The following CPT1A variants were observed in gnomAD, a reference collection of about 807,000 sequenced individuals.
CPT1A encodes carnitine palmitoyltransferase 1A.
CPT1A carries 64 observed loss-of-function variants against 100.8 expected under a neutral mutation model. The observed-to-expected ratio is 0.63, with a 90% CI of 0.52 to 0.78. The LOEUF is 0.78. CPT1A is among the 30% of genes least tolerant of loss of function. The probability of loss-of-function intolerance (pLI) is 0.00; values close to 1 mark genes in which losing one functional copy is unlikely to be tolerated. For synonymous variants in CPT1A, 363 were observed against 396.0 expected (o/e 0.92, Z 0.99); for missense variants, 802 against 1,034.1 (o/e 0.78, Z 3.08).
rs11228349 is a variant in CPT1A at position 68,781,000 on chromosome 11, G to A, written c.1353-255C>T. ...CCTGAAGTCAGGACCTGTTGTTATC[G>A]CAAGGCAACTGGGGAGAGGTGGGAG... On this transcript the variant is annotated intron_variant, in intron 11 of 18. Transcript: ENST00000265641. Among the ~76,000 whole-genome samples, 12,400 of 152,212 alleles carry A rather than the reference G, an allele frequency of 0.081. 625 individuals carry two copies. The highest frequency in any genetic ancestry group is 0.11 in the Non-Finnish European group (7,263 of 68,008).
intron 11 of CPT1A, 39 bp from the exon 12 acceptor site, chr11:68,780,784 A>C (rs1855288230): frequency 6.5e-7 from 1 of 1,533,034 alleles, no homozygotes; most frequent in Admixed American, 1.7e-5. Context: ...AAGTGTTTAA[A>C]GAGGCAACAA....
At position 68,773,197 on chromosome 11, in the gene CPT1A, A is replaced by T. The variant is rs1290717896; in HGVS notation, c.1740+68T>A. The T allele has an allele frequency of 5.0e-6, 8 of 1,606,506 alleles. No individual in the cohort carries two copies. The South Asian group carries it at 6.7e-5, about 13-fold the overall frequency. On this transcript the variant is annotated intron_variant, in intron 14 of 18. Transcript: ENST00000265641. ...TCGGGCCTTCCCTCCCCACTGGGTGAACAGTCTTGGGCAGGTGTAGGAACC... is the reference window on the plus strand; with the variant it reads ...TCGGGCCTTCCCTCCCCACTGGGTGTACAGTCTTGGGCAGGTGTAGGAACC...
intron 1 of CPT1A, among the ~76,000 whole-genome samples, chr11:68,827,425 G>A (rs375989452): frequency 2.0e-5 from 3 of 152,040 alleles, no homozygotes; most frequent in Admixed American, 6.6e-5. Flanking sequence ...TAAGATAACC[G>A]CAAACACACA....
chr11:68,800,660 C>T (rs1302861395), intron 5 of CPT1A, among the ~76,000 whole-genome samples: 2 of 150,790 alleles, frequency 1.3e-5, no homozygotes, highest in African/African-American at 2.4e-5. Context: ...GCTGTTTCCC[C>T]CAGCAACAAA....
At chr11:68,817,323 C>T (rs1006789227) in intron 1 of CPT1A, among the ~76,000 whole-genome samples, 5 of 152,102 alleles carry the variant, frequency 3.3e-5, no homozygotes, top group African/African-American at 1.2e-4. Flanking sequence ...AGTCCTCCAC[C>T]AGCCAAAACA....
chr11:68,784,834 C>T lies in CPT1A; in HGVS notation c.1144G>A (p.Ala382Thr), dbSNP rs1169772839. The T allele has an allele frequency of 1.2e-6, 2 of 1,611,122 alleles. No homozygotes were observed. Among genetic ancestry groups the T allele is most frequent in the Non-Finnish European group, 8.5e-7 (1 of 1,179,988 alleles). Residue 382 changes from alanine to threonine, a missense_variant, in exon 10 of 19, where the codon GCC (alanine) becomes ACC (threonine). Transcript: ENST00000265641. ...EPQPGEARLA[A>T]LTAGDRVPWA... is the part of the protein sequence containing the mutation. ...GCGCACCTGTCTCCTGCGGTGAGGG[C>T]TGCCAGCCTGGCCTCCCCGGGCTGA... is the stretch of plus-strand genomic sequence containing the variant.
chr11:68,807,404 G>T, intron 4 of CPT1A, 63 bp downstream of exon 4: 1 of 1,519,204 alleles, frequency 6.6e-7, no homozygotes, highest in South Asian at 1.2e-5. Flanking sequence ...TTCCGCAGGG[G>T]TGTCCTTCTT....
chr11:68,782,762 G>A (rs1270068160), intron 10 of CPT1A, among the ~76,000 whole-genome samples: 2 of 152,190 alleles, frequency 1.3e-5, no homozygotes, highest in Non-Finnish European at 2.9e-5. Context: ...GCTTGGCTAT[G>A]GCGGCCCGCA....
At chr11:68,771,854 C>A (rs948525803) in intron 14 of CPT1A, among the ~76,000 whole-genome samples, 1 of 152,230 alleles carries the variant, frequency 6.6e-6, no homozygotes. Flanking sequence ...CCTGTTTCCT[C>A]ACCTGTAAAA....
intron 8 of CPT1A, 98 bp from the exon 9 acceptor site, chr11:68,793,500 C>T (rs1855675300): frequency 1.1e-6 from 1 of 880,744 alleles, no homozygotes; most frequent in Admixed American, 2.1e-5. Flanking sequence ...AATCCCAACA[C>T]TTTGGGAGGC....
chr11:68,782,234 G>A (rs1291325479), intron 10 of CPT1A, among the ~76,000 whole-genome samples: 1 of 152,054 alleles, frequency 6.6e-6, no homozygotes, highest in Non-Finnish European at 1.5e-5. Context: ...GGGCAAAGCC[G>A]CCAGGAAGCA....
chr11:68,821,846 C>T (rs1365399243), intron 1 of CPT1A, among the ~76,000 whole-genome samples: 1 of 152,016 alleles, frequency 6.6e-6, no homozygotes, highest in Non-Finnish European at 1.5e-5. Context: ...TGGAATGTAT[C>T]CCCCCAAGGA....
chr11:68,808,469 T>C (rs545838574), intron 3 of CPT1A, among the ~76,000 whole-genome samples: 2 of 151,826 alleles, frequency 1.3e-5, no homozygotes, highest in Non-Finnish European at 2.9e-5. Context: ...CCTCCCAGGT[T>C]TAAATGATTC....
At position 68,826,468 on chromosome 11, in the gene CPT1A, C is replaced by T. The variant is rs1240592147; in HGVS notation, c.-13-10981G>A. Among the ~76,000 whole-genome samples the T allele has an allele frequency of 1.1e-4, 16 of 148,238 alleles. No individual in the cohort carries two copies. In the East Asian group the frequency reaches 2.8e-3, roughly 26 times the overall value. ...AAAAAAAAAAGGTCAGGCGCGGTGG[C>T]TCACGCCTGTAATCCCAGCACTTTG... is the stretch of plus-strand genomic sequence containing the variant. On this transcript the variant is annotated intron_variant, in intron 1 of 18. Transcript: ENST00000265641.
intron 9 of CPT1A, among the ~76,000 whole-genome samples, chr11:68,790,206 G>A (rs1022862710): frequency 3.9e-5 from 6 of 152,014 alleles, no homozygotes; most frequent in Non-Finnish European, 8.8e-5. Context: ...GAGTAGCTGG[G>A]ACCACAGGTA....
At chr11:68,842,483 A>G (rs1857182176), upstream of CPT1A, among the ~76,000 whole-genome samples, 1 of 151,986 alleles carries the variant, frequency 6.6e-6, no homozygotes, top group Admixed American at 6.5e-5. Flanking sequence ...CATTGGGTCC[A>G]GATCTGATTC....
chr11:68,763,308 C>G (rs956287985), intron 14 of CPT1A, among the ~76,000 whole-genome samples: 1 of 151,010 alleles, frequency 6.6e-6, no homozygotes, highest in African/African-American at 2.4e-5. Flanking sequence ...ACTATGACAC[C>G]CCCCCCACCC....
At chr11:68,793,648 A>G (rs1020277335) in intron 8 of CPT1A, among the ~76,000 whole-genome samples, 4 of 151,284 alleles carry the variant, frequency 2.6e-5, no homozygotes, top group Non-Finnish European at 2.9e-5. Context: ...TGGGAGGTTG[A>G]GGCAGGAGAA....
chr11:68,785,853 A>G (rs2153998579), intron 9 of CPT1A: 2 of 549,598 alleles, frequency 3.6e-6, no homozygotes, highest in Non-Finnish European at 6.5e-6. Flanking sequence ...TGAGAAAGAA[A>G]GTGGAAAATT....
Sources: gnomAD v4.1 joint callset for allele counts (sites outside exome capture counted in the v4.1 genomes callset) on GRCh38, gnomAD v4.1.1 for gene constraint, MANE v1.5 for transcripts, NCBI Gene and HGNC (gene_info 2026-07-23, HGNC 2026-07-21) for gene names.